The following CACNA1G variants were observed in gnomAD, a reference collection of about 807,000 sequenced individuals.
The protein encoded by CACNA1G is voltage-dependent T-type calcium channel subunit alpha-1G.
CACNA1G carries 67 observed loss-of-function variants against 219.4 expected under a neutral mutation model. The observed-to-expected ratio is 0.31, with a 90% CI of 0.25 to 0.37. The LOEUF is 0.37. Ranked by LOEUF, CACNA1G falls within the 10% of genes least tolerant of loss-of-function variation. The pLI, the probability that CACNA1G is intolerant of heterozygous loss-of-function variation, is 1.00. For missense variants in CACNA1G, 2,380 were observed against 3,231.4 expected (o/e 0.74, Z 6.39); for synonymous variants, 1,296 against 1,345.3 (o/e 0.96, Z 0.80).
At position 50,561,548 on chromosome 17, in the gene CACNA1G, G is replaced by A. The variant is rs607458; in HGVS notation, c.89G>A (p.Gly30Asp). 1.3e-6 allele frequency: 2 copies of A among 1,540,254 alleles called. No homozygotes were observed. ...CTCAACGACCTGTCGGGGGCCGGGG[G>A]CCGGCCGGGGCCGGGGTCAGCAGAA... ...MRLNDLSGAG[G>D]RPGPGSAEKD... is the part of the protein sequence containing the mutation. The change falls in exon 1 of 38, where the codon GGC (glycine) becomes GAC (aspartate). Residue 30 changes from glycine (G) to aspartate (D), a missense_variant. Gly to Asp is a moderately conservative substitution (Grantham distance 94). This residue lies in a region of CACNA1G where 98 missense variants were observed against 85.5 expected (regional missense o/e 1.15). Transcript: ENST00000359106.
chr17:50,590,256 T>C (rs2145450088), intron 9 of CACNA1G, among the ~76,000 whole-genome samples: 1 of 152,052 alleles, frequency 6.6e-6, no homozygotes, highest in East Asian at 1.9e-4. Flanking sequence ...GGGCTATGGG[T>C]TTCACGTGGC....
chr17:50,596,477 C>A lies in CACNA1G; in HGVS notation c.2980-85C>A. 2 of 1,015,400 alleles carry A rather than the reference C, an allele frequency of 2.0e-6. No individual in the cohort carries two copies. The highest frequency in any genetic ancestry group is 2.5e-5 in the East Asian group (1 of 40,758). 62.9% of individuals were successfully genotyped at this position (1,015,400 alleles called of 1,614,324 possible). On this transcript the variant is annotated intron_variant, in intron 14 of 37. Transcript: ENST00000359106. This position sits in a 1 kb window ranked among gnomAD's most constrained non-coding sequence, Gnocchi z 4.8. ...GTTCCTGTGGCCTATATGTGGTGTG[C>A]GTGTGTGAAGAGAGGGAGGCCCGGT...
chr17:50,601,785 G>C (rs548496724), intron 19 of CACNA1G, among the ~76,000 whole-genome samples: 10 of 152,132 alleles, frequency 6.6e-5, no homozygotes, highest in Non-Finnish European at 1.2e-4. Flanking sequence ...CTTCGCTGTC[G>C]GCAGCAATTC....
In CACNA1G at chr17:50,578,050, C is replaced by A; in HGVS notation, c.1925-138C>A. 2 of 996,368 alleles carry A rather than the reference C, an allele frequency of 2.0e-6. No homozygotes were observed. The highest frequency in any genetic ancestry group is 3.4e-4 in the Middle Eastern group (1 of 2,958). 61.7% of individuals were successfully genotyped at this position (996,368 alleles called of 1,614,324 possible). ...TGCCCACCTTGCCTGACATTCAGCA[C>A]CCCTGGCCCACTAAGTGCCTAGCAC... On this transcript the variant is annotated intron_variant, in intron 8 of 37. Transcript: ENST00000359106. The surrounding 1 kb of genome is among the most constrained non-coding windows in gnomAD (Gnocchi z 4.5).
intron 27 of CACNA1G, 71 bp from the exon 28 acceptor site, chr17:50,616,204 T>G: frequency 1.1e-6 from 1 of 906,384 alleles, no homozygotes; most frequent in South Asian, 1.4e-5. Flanking sequence ...GGCGGTATGA[T>G]GGAGGGGCGG....
intron 37 of CACNA1G, 123 bp downstream of exon 37, chr17:50,624,652 C>A: frequency 9.7e-7 from 1 of 1,026,398 alleles, no homozygotes; most frequent in South Asian, 1.6e-5. Context: ...ATGTGCCAGG[C>A]TCAGTTGCAG....
rs1181107085 is a variant in CACNA1G, at chr17:50,607,830, A to G, written c.4516A>G (p.Ile1506Val). The G allele has an allele frequency of 1.2e-6, 2 of 1,613,516 alleles. No homozygotes were observed. Among genetic ancestry groups the G allele is most frequent in the Non-Finnish European group, 1.7e-6 (2 of 1,179,790 alleles). Residue 1506 changes from isoleucine to valine, a missense_variant, in exon 25 of 38, where the codon ATC (isoleucine) becomes GTC (valine). Around this residue, in one of 17 missense-constraint regions of CACNA1G, gnomAD observed 153 missense variants for 374.9 expected, o/e 0.41. Coordinates refer to ENST00000359106, the MANE Select transcript of CACNA1G (RefSeq NM_018896.5). ...TGTCCTTCCTGCTCCCCGCCAGCCC[A>G]TCATGAACCACAACCCCTGGATGCT... ...LDAVGVDQQPIMNHNPWMLLY... is the reference protein window; with the variant it reads ...LDAVGVDQQPVMNHNPWMLLY...
rs144519569 is a variant in CACNA1G at position 50,577,579 on chromosome 17, G to A, written c.1925-609G>A. On this transcript the variant is annotated intron_variant, in intron 8 of 37. Transcript: ENST00000359106. Reference sequence around the variant, plus strand: ...GCTTGATGTGTGTAGGTGCATGTGCGATGTGAAGCTCTTTCCTTGGTGTGT... The same window carrying A: ...GCTTGATGTGTGTAGGTGCATGTGCAATGTGAAGCTCTTTCCTTGGTGTGT... 2.1e-3 allele frequency among the ~76,000 whole-genome samples: 318 copies of A among 151,412 alleles called. 3 individuals are homozygous for A. The highest frequency in any genetic ancestry group is 7.0e-3 in the African/African-American group (288 of 41,188).
chr17:50,619,645 C>T, intron 33 of CACNA1G, 38 bp from the exon 34 acceptor site: 1 of 1,591,118 alleles, frequency 6.3e-7, no homozygotes. Context: ...CCCCTGCTCC[C>T]CTGCCTCTCC....
rs1184705715 is a variant in CACNA1G, at chr17:50,592,071, G to A, written c.2889G>A (p.Leu963=). ...TCTTCAATTTGCTGGTCGCCATTCT[G>A]GTGGAGGGCTTCCAGGCGGAGGTAA... ...YVLFNLLVAI[L]VEGFQAEEIS... The change falls in exon 13 of 38, where the codon CTG becomes CTA. Residue 963 remains leucine, a synonymous_variant. Coordinates refer to ENST00000359106, the MANE Select transcript of CACNA1G (RefSeq NM_018896.5). The A allele has an allele frequency of 3.1e-6, 5 of 1,613,452 alleles. No individual in the cohort carries two copies. Among genetic ancestry groups the A allele is most frequent in the Middle Eastern group, 1.6e-4 (1 of 6,082 alleles).
chr17:50,579,709 G>C (rs2041513634), intron 9 of CACNA1G, among the ~76,000 whole-genome samples: 1 of 152,170 alleles, frequency 6.6e-6, no homozygotes, highest in Admixed American at 6.5e-5. Context: ...TTGGAACGAA[G>C]GCCATGCACC....
chr17:50,576,456 C>A, intron 8 of CACNA1G, 130 bp downstream of exon 8: 3 of 860,994 alleles, frequency 3.5e-6, no homozygotes, highest in Non-Finnish European at 3.7e-6. Flanking sequence ...ATGGCTTAGG[C>A]ACCTTCAACC....
intron 13 of CACNA1G, among the ~76,000 whole-genome samples, chr17:50,593,210 G>A (rs2044719465): frequency 6.6e-6 from 1 of 152,144 alleles, no homozygotes; most frequent in South Asian, 2.1e-4. Flanking sequence ...GGTTCCCTGA[G>A]GCCTGAAGAA....
In CACNA1G at chr17:50,621,884, C is replaced by T; in HGVS notation, c.6060+90C>T. 2 of 1,425,424 alleles carry T rather than the reference C, an allele frequency of 1.4e-6. No homozygotes were observed. The highest frequency in any genetic ancestry group is 1.9e-6 in the Non-Finnish European group (2 of 1,032,442). The allele number at this position is 1,425,424 out of a possible 1,614,324, so 88.3% of individuals were successfully genotyped here. Reference sequence around the variant, plus strand: ...GATCGGCCCAGGGAGGGTCCTGGGGCCGCCTCCTCTCAGTTTGCTGCCAGG... The same window carrying T: ...GATCGGCCCAGGGAGGGTCCTGGGGTCGCCTCCTCTCAGTTTGCTGCCAGG... On this transcript the variant is annotated intron_variant, in intron 35 of 37. Transcript: ENST00000359106. The surrounding 1 kb of genome is among the most constrained non-coding windows in gnomAD (Gnocchi z 4.6).
intron 20 of CACNA1G, 52 bp from the exon 21 acceptor site, chr17:50,602,962 AG>A: frequency 6.5e-7 from 1 of 1,527,052 alleles, no homozygotes; most frequent in Non-Finnish European, 9.0e-7. Context: ...TGAGGGTGGG[AG>A]GGTTGGCTGC....
chr17:50,624,152 G>C, intron 36 of CACNA1G, 77 bp downstream of exon 36: 1 of 1,535,800 alleles, frequency 6.5e-7, no homozygotes, highest in South Asian at 1.2e-5. Flanking sequence ...TGATCTGAGG[G>C]GATGGGGAAC....
chr17:50,603,572 G>A lies in CACNA1G; in HGVS notation c.4169+373G>A, dbSNP rs564722559. Among the ~76,000 whole-genome samples, 21 of 152,116 alleles carry A rather than the reference G, an allele frequency of 1.4e-4. No individual in the cohort carries two copies. The highest frequency in any genetic ancestry group is 4.8e-4 in the African/African-American group (20 of 41,486). ...TAGGGGTGACACTCAGCCCCTCCCC[G>A]TGAGGTGACAGGCTCCTCTTGCTGG... On this transcript the variant is annotated intron_variant, in intron 21 of 37. Transcript: ENST00000359106. This position sits in a 1 kb window ranked among gnomAD's most constrained non-coding sequence, Gnocchi z 6.4.
At chr17:50,572,906 C>T in intron 6 of CACNA1G, 52 bp downstream of exon 6, 1 of 1,590,960 alleles carries the variant, frequency 6.3e-7, no homozygotes, top group Non-Finnish European at 8.6e-7. Flanking sequence ...CCCCAGGACA[C>T]AGCCCAGGAT....
In CACNA1G at chr17:50,627,257, G is replaced by T. The variant is rs775636783; in HGVS notation, c.*506G>T. On this transcript the variant is annotated 3_prime_UTR_variant, in exon 38 of 38. Coordinates refer to ENST00000359106, the MANE Select transcript of CACNA1G (RefSeq NM_018896.5). Reference sequence around the variant, plus strand: ...ACCGCGAGCACATTGCAGCCCCAACGGTGGCCCATCTTCAGCGGAGAGCGA... The same window carrying T: ...ACCGCGAGCACATTGCAGCCCCAACTGTGGCCCATCTTCAGCGGAGAGCGA... 4.4e-6 allele frequency: 2 copies of T among 453,688 alleles called. No homozygotes were observed. Among genetic ancestry groups the T allele is most frequent in the African/African-American group, 4.0e-5 (2 of 49,848 alleles). The allele number at this position is 453,688 out of a possible 1,614,324, so 28.1% of individuals were successfully genotyped here.
Sources: gnomAD v4.1 joint callset for allele counts (sites outside exome capture counted in the v4.1 genomes callset) on GRCh38, gnomAD v4.1.1 for gene constraint, gnomAD v4.1.1 regional missense constraint, Gnocchi (gnomAD v3.1) non-coding constraint, MANE v1.5 for transcripts, NCBI Gene and HGNC (gene_info 2026-07-23, HGNC 2026-07-21) for gene names.